NID1: variants seen among roughly 807,000 people sequenced by gnomAD.
NID1 encodes the protein nidogen-1.
NID1 carries 76 observed loss-of-function variants against 130.6 expected under a neutral mutation model. The observed-to-expected ratio is 0.58, with a 90% confidence interval of 0.48 to 0.70. NID1 has a LOEUF of 0.70. NID1 is among the 30% of genes least tolerant of loss of function. The probability of loss-of-function intolerance (pLI) is 0.00; values close to 1 mark genes in which losing one functional copy is unlikely to be tolerated. For synonymous variants in NID1, 665 were observed against 675.1 expected (o/e 0.98, Z 0.23); for missense variants, 1,517 against 1,664.8 (o/e 0.91, Z 1.54).
intron 5 of NID1, among the ~76,000 whole-genome samples, chr1:236,035,150 C>T (rs1260551627): frequency 2.8e-5 from 3 of 107,568 alleles, no homozygotes; most frequent in Non-Finnish European, 5.5e-5. Flanking sequence ...CCCCTCCCCC[C>T]ACCCCACCAC....
chr1:236,053,312 C>T (rs1000571370), intron 1 of NID1, among the ~76,000 whole-genome samples: 3 of 152,142 alleles, frequency 2.0e-5, no homozygotes, highest in Admixed American at 6.5e-5. Flanking sequence ...AATGTTGTTT[C>T]TGTCAATTAC....
chr1:235,994,700 C>CTT lies in NID1; in HGVS notation c.2528-830_2528-829dup, dbSNP rs11397466. On this transcript the variant is annotated intron_variant, in intron 12 of 19. Transcript: ENST00000264187. The stretch of plus-strand genomic sequence containing the variant: ...TTATCATCTCAAACTTCTTCTTCTT[C>CTT]TTTTTTTTTTTTTTGAGACGGAGTC... Among the ~76,000 whole-genome samples, 367 of 142,110 alleles carry CTT rather than the reference C, an allele frequency of 2.6e-3. 1 individual carries two copies. The highest frequency in any genetic ancestry group is 0.011 in the Middle Eastern group (3 of 276). 93.2% of individuals were successfully genotyped at this position (142,110 alleles called of 152,430 possible).
At chr1:236,055,987 A>ACAC (rs1281346440) in intron 1 of NID1, among the ~76,000 whole-genome samples, 1 of 152,228 alleles carries the variant, frequency 6.6e-6, no homozygotes, top group African/African-American at 2.4e-5. Context: ...AGGTGAACCC[A>ACAC]CACATTTACG....
At chr1:236,006,448 C>G (rs1030202047) in intron 12 of NID1, among the ~76,000 whole-genome samples, 3 of 152,034 alleles carry the variant, frequency 2.0e-5, no homozygotes, top group Non-Finnish European at 4.4e-5. Flanking sequence ...AATCTGCAGA[C>G]AATTTAGAGG....
intron 14 of NID1, among the ~76,000 whole-genome samples, chr1:235,986,281 TG>T (rs1337678390): frequency 6.6e-6 from 1 of 152,188 alleles, no homozygotes; most frequent in Non-Finnish European, 1.5e-5. Context: ...TAAGATAATA[TG>T]GTTATTTATG....
At chr1:235,981,487 C>T (rs1415661957) in intron 16 of NID1, 124 bp downstream of exon 16, 1 of 1,041,806 alleles carries the variant, frequency 9.6e-7, no homozygotes, top group Non-Finnish European at 1.4e-6. Flanking sequence ...AAACTGTAGA[C>T]TCTTTCGTCC....
chr1:236,041,137 G>A (rs960211809), intron 4 of NID1, among the ~76,000 whole-genome samples: 5 of 152,044 alleles, frequency 3.3e-5, no homozygotes, highest in East Asian at 1.9e-4. Context: ...GCATGATCTC[G>A]GCTCACTGCA....
chr1:236,038,375 A>G (rs1286212503), intron 4 of NID1, 122 bp from the exon 5 acceptor site: 1 of 984,102 alleles, frequency 1.0e-6, no homozygotes, highest in Non-Finnish European at 1.5e-6. Flanking sequence ...AATTCAAGGG[A>G]CCAGGCTCAC....
At chr1:236,048,314 G>A (rs375551787) in intron 2 of NID1, among the ~76,000 whole-genome samples, 38 of 150,898 alleles carry the variant, frequency 2.5e-4, no homozygotes, top group African/African-American at 9.0e-4. Context: ...CAGCCTGGGC[G>A]ACAGAGCGAG....
rs1171957745 is a variant in NID1, at chr1:236,048,946, T to C, written c.269A>G (p.Lys90Arg). The C allele has an allele frequency of 5.6e-6, 9 of 1,613,986 alleles. No individual in the cohort carries two copies. The highest frequency in any genetic ancestry group is 7.6e-6 in the Non-Finnish European group (9 of 1,180,016). Residue 90 changes from lysine to arginine, a missense_variant, in exon 2 of 20, where the codon AAA becomes AGA. Lys to Arg is a conservative substitution (Grantham distance 26). Coordinates refer to ENST00000264187, the MANE Select transcript of NID1 (RefSeq NM_002508.3). ...TGGGAAGAGCCCGGGATGGGATTCT[T>C]TGGCCGGGGGTTCACTCGTAGCAAT... ...GIIATSEPPA[K>R]ESHPGLFPPT... is the part of the protein sequence containing the mutation.
intron 6 of NID1, 92 bp downstream of exon 6, chr1:236,032,309 T>C (rs1416877999): frequency 6.7e-7 from 1 of 1,496,720 alleles, no homozygotes; most frequent in African/African-American, 1.4e-5. Flanking sequence ...CTAAGTTGTC[T>C]GCAGACTCAG....
intron 1 of NID1, among the ~76,000 whole-genome samples, chr1:236,060,941 T>A (rs1346091212): frequency 6.6e-6 from 1 of 152,202 alleles, no homozygotes; most frequent in Non-Finnish European, 1.5e-5. Context: ...AGTTTACCTG[T>A]GGCAATTGGA....
intron 9 of NID1, among the ~76,000 whole-genome samples, chr1:236,019,168 C>T (rs987104347): frequency 5.9e-5 from 9 of 152,384 alleles, no homozygotes; most frequent in African/African-American, 2.2e-4. Flanking sequence ...GGCTGTTATG[C>T]AAGCTGGAGC....
intron 11 of NID1, among the ~76,000 whole-genome samples, chr1:236,012,978 A>G (rs768137503): frequency 1.3e-5 from 2 of 152,240 alleles, no homozygotes; most frequent in Non-Finnish European, 2.9e-5. Flanking sequence ...GCAGTCATTT[A>G]TTCAATCAGA....
intron 13 of NID1, among the ~76,000 whole-genome samples, chr1:235,992,377 G>T (rs1657777559): frequency 6.6e-6 from 1 of 152,170 alleles, no homozygotes. Flanking sequence ...GGACTGTCAA[G>T]CCTGCCTCTC....
intron 14 of NID1, 26 bp from the exon 15 acceptor site, chr1:235,985,531 A>G: frequency 8.7e-6 from 14 of 1,613,412 alleles, no homozygotes; most frequent in Non-Finnish European, 1.2e-5. Context: ...AGTGGTTAGA[A>G]TGGTCCATCT....
At chr1:235,983,828 T>C (rs1220726823) in intron 15 of NID1, among the ~76,000 whole-genome samples, 2 of 152,128 alleles carry the variant, frequency 1.3e-5, no homozygotes, top group African/African-American at 2.4e-5. Context: ...AGATACTTGG[T>C]TGGGTCTGTA....
At position 235,976,821 on chromosome 1, in the gene NID1, C is replaced by A. The variant is rs181926770; in HGVS notation, c.*1046G>T. ...AAAGGGCCACAGATCGAGGGAGAAACCAAGGAGGGGTGAGGTCATGGTTGA... is the reference window on the plus strand; with the variant it reads ...AAAGGGCCACAGATCGAGGGAGAAAACAAGGAGGGGTGAGGTCATGGTTGA... On this transcript the variant is annotated 3_prime_UTR_variant, in exon 20 of 20. Coordinates refer to ENST00000264187, the MANE Select transcript of NID1 (RefSeq NM_002508.3). 1.3e-5 allele frequency: 2 copies of A among 152,028 alleles called. No homozygotes were observed. The highest frequency in any genetic ancestry group is 4.8e-5 in the African/African-American group (2 of 41,410). 9.4% of individuals were successfully genotyped at this position (152,028 alleles called of 1,614,324 possible).
In NID1 at chr1:236,010,423, G is replaced by A. The variant is rs151203217; in HGVS notation, c.2527+1498C>T. Among the ~76,000 whole-genome samples the A allele has an allele frequency of 8.2e-5, 12 of 146,678 alleles. 1 individual carries two copies. In the East Asian group the frequency reaches 1.9e-3, roughly 24 times the overall value. ...CTCAATCTTCCTACCTCAGCCCCCC[G>A]AGGAGCTAGGACTACAGGTGTGCCA... On this transcript the variant is annotated intron_variant, in intron 12 of 19. Coordinates refer to ENST00000264187, the MANE Select transcript of NID1 (RefSeq NM_002508.3).
Sources: allele counts gnomAD v4.1 joint callset (sites outside exome capture counted in the v4.1 genomes callset), GRCh38; gene constraint gnomAD v4.1.1; transcripts MANE v1.5; gene names NCBI Gene and HGNC (gene_info 2026-07-23, HGNC 2026-07-21).